The following IL4R variants were observed in gnomAD, a reference collection of about 807,000 sequenced individuals.
The protein encoded by IL4R is interleukin-4 receptor subunit alpha.
Under a neutral mutation model 41.5 loss-of-function variants are expected in IL4R, and 17 were observed. The ratio of observed to expected loss-of-function variants is 0.41; its 90% CI spans 0.28 to 0.61. The LOEUF is 0.61. IL4R is among the 20% of genes least tolerant of loss of function. The probability of loss-of-function intolerance (pLI) is 0.31; values close to 1 mark genes in which losing one functional copy is unlikely to be tolerated. For synonymous variants in IL4R, 402 were observed against 422.9 expected (o/e 0.95, Z 0.61); for missense variants, 974 against 1,043.1 (o/e 0.93, Z 0.91).
At chr16:27,336,723 C>G (rs1384084332) in intron 2 of IL4R, among the ~76,000 whole-genome samples, 1 of 149,778 alleles carries the variant, frequency 6.7e-6, no homozygotes, top group African/African-American at 2.5e-5. Context: ...AAGGTCCCTC[C>G]AGGTGGAGGG....
At chr16:27,351,786 A>G (rs2085889475) in intron 6 of IL4R, among the ~76,000 whole-genome samples, 1 of 152,220 alleles carries the variant, frequency 6.6e-6, no homozygotes, top group African/African-American at 2.4e-5. Context: ...AAGTGCTGGG[A>G]TTACAGGCAT....
intron 1 of IL4R, among the ~76,000 whole-genome samples, chr16:27,327,244 G>C (rs546573244): frequency 6.6e-5 from 10 of 152,216 alleles, no homozygotes; most frequent in Non-Finnish European, 1.5e-4. Flanking sequence ...CTCCAAGCCA[G>C]GTTTCCTGCC....
chr16:27,316,949 G>T (rs538510741), intron 1 of IL4R, among the ~76,000 whole-genome samples: 79 of 148,296 alleles, frequency 5.3e-4, no homozygotes, highest in Non-Finnish European at 9.3e-4. Context: ...TATTTCCCAG[G>T]CTGGAGCACA....
At chr16:27,354,272 T>C (rs2085978177) in intron 7 of IL4R, 1 of 152,220 alleles carries the variant, frequency 6.6e-6, no homozygotes, top group Non-Finnish European at 1.5e-5. Context: ...TCTCTTCCCT[T>C]CTGCTGTCTT....
In IL4R at chr16:27,346,457, T is replaced by G; in HGVS notation, c.362-10T>G. On this transcript the variant is annotated splice_polypyrimidine_tract_variant and intron_variant, in intron 5 of 10. Coordinates refer to ENST00000395762, the MANE Select transcript of IL4R (RefSeq NM_000418.4). ...CATAGATCCTCACATAGAGGCCGCT[T>G]CTCCCGCAGTGAAACCCAGGGCCCC... 1 of 1,613,898 alleles carries G rather than the reference T, an allele frequency of 6.2e-7. No homozygotes were observed. Among genetic ancestry groups the G allele is most frequent in the Non-Finnish European group, 8.5e-7 (1 of 1,179,970 alleles).
intron 2 of IL4R, among the ~76,000 whole-genome samples, chr16:27,330,557 C>G (rs549479071): frequency 2.5e-4 from 38 of 152,114 alleles, no homozygotes; most frequent in Non-Finnish European, 5.3e-4. Flanking sequence ...TTTACTTGTA[C>G]TCATTTTTGT....
At chr16:27,317,765 C>T (rs1415239108) in intron 1 of IL4R, among the ~76,000 whole-genome samples, 2 of 152,202 alleles carry the variant, frequency 1.3e-5, no homozygotes, top group Non-Finnish European at 2.9e-5. Flanking sequence ...GTTGTTTAAC[C>T]TCTCTGAGCC....
chr16:27,346,438 T>G (rs747400699), intron 5 of IL4R, 29 bp from the exon 6 acceptor site: 1 of 1,613,496 alleles, frequency 6.2e-7, no homozygotes, highest in South Asian at 1.1e-5. Flanking sequence ...ACTGCATAGA[T>G]CCTCACATAG....
chr16:27,315,893 T>G (rs8060025), intron 1 of IL4R, among the ~76,000 whole-genome samples: 95,455 of 151,960 alleles, frequency 0.63, 30,329 homozygotes, highest in African/African-American at 0.69. Flanking sequence ...ACTCACCCCA[T>G]TTACAACACA....
At position 27,363,992 on chromosome 16, in the gene IL4R, G is replaced by C; in HGVS notation, c.*162G>C. 1.2e-6 allele frequency: 1 copy of C among 801,506 alleles called. No homozygotes were observed. The highest frequency in any genetic ancestry group is 2.0e-6 in the Non-Finnish European group (1 of 508,194). The allele number at this position is 801,506 out of a possible 1,614,324, so 49.6% of individuals were successfully genotyped here. ...CCCCACTGACGTTGGCCTAACACTG[G>C]GCTGCAGAGACTGGACCCCGCCCAG... On this transcript the variant is annotated 3_prime_UTR_variant, in exon 11 of 11. Coordinates refer to ENST00000395762, the MANE Select transcript of IL4R (RefSeq NM_000418.4).
intron 6 of IL4R, among the ~76,000 whole-genome samples, chr16:27,351,702 A>C (rs1245411790): frequency 6.6e-6 from 1 of 152,036 alleles, no homozygotes; most frequent in Non-Finnish European, 1.5e-5. Flanking sequence ...TTTAGTAGAG[A>C]CAGAGTTTCA....
intron 1 of IL4R, among the ~76,000 whole-genome samples, chr16:27,324,064 A>G (rs2084889056): frequency 6.6e-6 from 1 of 152,210 alleles, no homozygotes; most frequent in South Asian, 2.1e-4. Context: ...AGAAGGGCCC[A>G]GGGCATGGCC....
At chr16:27,343,683 G>A (rs3024552) in intron 4 of IL4R, among the ~76,000 whole-genome samples, 64 of 152,016 alleles carry the variant, frequency 4.2e-4, no homozygotes, top group Admixed American at 4.0e-3. Context: ...CCGCCTCAGC[G>A]TCCCAAAGTG....
intron 1 of IL4R, among the ~76,000 whole-genome samples, chr16:27,320,727 C>T (rs1055725502): frequency 6.6e-6 from 1 of 152,194 alleles, no homozygotes; most frequent in Non-Finnish European, 1.5e-5. Flanking sequence ...TTTCCTGAAG[C>T]GGCCAGGGAA....
At chr16:27,342,008 T>G in intron 3 of IL4R, 113 bp from the exon 4 acceptor site, 10 of 1,216,326 alleles carry the variant, frequency 8.2e-6, no homozygotes, top group Non-Finnish European at 1.0e-5. Flanking sequence ...GCGCTGGCCC[T>G]CAACTTTGCC....
intron 1 of IL4R, among the ~76,000 whole-genome samples, chr16:27,320,644 A>C (rs1471330332): frequency 6.6e-6 from 1 of 152,252 alleles, no homozygotes; most frequent in Non-Finnish European, 1.5e-5. Flanking sequence ...TAAAAGGATT[A>C]CATTTCTTCG....
At chr16:27,352,268 A>T (rs1271034636) in intron 6 of IL4R, among the ~76,000 whole-genome samples, 1 of 152,234 alleles carries the variant, frequency 6.6e-6, no homozygotes, top group Non-Finnish European at 1.5e-5. Flanking sequence ...CTTGTTTTAC[A>T]GATGAGATTG....
chr16:27,358,782 T>G (rs191486211), intron 8 of IL4R, 134 bp from the exon 9 acceptor site: 31 of 659,682 alleles, frequency 4.7e-5, no homozygotes, highest in African/African-American at 8.9e-5. Context: ...GATGAGTCAG[T>G]GGTTTGACCT....
In IL4R at chr16:27,332,556, T is replaced by G. The variant is rs545565403; in HGVS notation, c.-19+2358T>G. Among the ~76,000 whole-genome samples the G allele has an allele frequency of 9.9e-5, 15 of 152,196 alleles. No individual in the cohort carries two copies. The South Asian group carries it at 2.9e-3, about 29-fold the overall frequency. ...ATCACATTATTATTAATTAGTGCCT[T>G]CTCTCTCATTTTTTTGATTCGCCTA... On this transcript the variant is annotated intron_variant, in intron 2 of 10. Coordinates refer to ENST00000395762, the MANE Select transcript of IL4R (RefSeq NM_000418.4).
Sources: gnomAD v4.1 joint callset for allele counts (sites outside exome capture counted in the v4.1 genomes callset) on GRCh38, gnomAD v4.1.1 for gene constraint, MANE v1.5 for transcripts, NCBI Gene and HGNC (gene_info 2026-07-23, HGNC 2026-07-21) for gene names.